SLC26A7: variants seen among roughly 807,000 people sequenced by gnomAD.
SLC26A7 encodes the protein anion exchange transporter.
In SLC26A7, 59 loss-of-function variants were observed where a neutral mutation model predicts 82.5. The ratio of observed to expected loss-of-function variants is 0.72; its 90% CI spans 0.58 to 0.89. SLC26A7 has a LOEUF of 0.89. SLC26A7 is among the 40% of genes least tolerant of loss of function. The probability of loss-of-function intolerance (pLI) is 0.00; values close to 1 mark genes in which losing one functional copy is unlikely to be tolerated. For missense variants in SLC26A7, 820 were observed against 793.0 expected, an observed-to-expected ratio of 1.03 and a Z score of -0.41; for synonymous variants, 271 against 274.3, an observed-to-expected ratio of 0.99 and a Z score of 0.12.
intron 4 of SLC26A7, among the ~76,000 whole-genome samples, chr8:91,304,785 A>G (rs1315637108): frequency 6.6e-6 from 1 of 152,162 alleles, no homozygotes; most frequent in Non-Finnish European, 1.5e-5. Context: ...CTCATTAATA[A>G]TAGTGGCAGC....
intron 2 of SLC26A7, among the ~76,000 whole-genome samples, chr8:91,283,825 G>A (rs558567457): frequency 2.0e-5 from 3 of 152,278 alleles, no homozygotes; most frequent in African/African-American, 4.8e-5. Flanking sequence ...CTGAGGGGGT[G>A]TTAGTTGGAT....
At chr8:91,304,596 G>A (rs761005373) in intron 4 of SLC26A7, among the ~76,000 whole-genome samples, 2 of 152,144 alleles carry the variant, frequency 1.3e-5, no homozygotes, top group Non-Finnish European at 2.9e-5. Flanking sequence ...CAGACTAATA[G>A]AGTGACTTAT....
chr8:91,386,889 A>C (rs1009346819), intron 15 of SLC26A7, among the ~76,000 whole-genome samples: 2 of 152,206 alleles, frequency 1.3e-5, no homozygotes, highest in African/African-American at 4.8e-5. Context: ...TTCTAAAAAA[A>C]GTTTGAAAAA....
At chr8:91,239,395 A>AAAAAAT (rs1554600121) in intron 2 of SLC26A7, among the ~76,000 whole-genome samples, 5 of 94,868 alleles carry the variant, frequency 5.3e-5, no homozygotes, top group African/African-American at 1.8e-4. Flanking sequence ...AAAAAAAAAA[A>AAAAAAT]ATATATATAT....
intron 5 of SLC26A7, among the ~76,000 whole-genome samples, chr8:91,322,718 A>G (rs559887546): frequency 1.4e-4 from 22 of 152,326 alleles, no homozygotes; most frequent in African/African-American, 5.3e-4. Context: ...GCTTTATATG[A>G]GCACTGCTCT....
At chr8:91,320,776 G>T (rs543984214) in intron 5 of SLC26A7, among the ~76,000 whole-genome samples, 1 of 152,204 alleles carries the variant, frequency 6.6e-6, no homozygotes, top group Non-Finnish European at 1.5e-5. Context: ...TGACACATTT[G>T]TAAGACTTTT....
At chr8:91,344,459 C>T (rs1227218821) in intron 9 of SLC26A7, among the ~76,000 whole-genome samples, 1 of 152,112 alleles carries the variant, frequency 6.6e-6, no homozygotes, top group Non-Finnish European at 1.5e-5. Context: ...ACTATTTGGG[C>T]TAACTCAAAC....
intron 15 of SLC26A7, among the ~76,000 whole-genome samples, chr8:91,381,405 C>T (rs970128746): frequency 6.6e-6 from 1 of 152,118 alleles, no homozygotes; most frequent in Non-Finnish European, 1.5e-5. Flanking sequence ...GGATGCATCT[C>T]AGATGTCAGC....
At chr8:91,369,289 A>G (rs1399382258) in intron 14 of SLC26A7, among the ~76,000 whole-genome samples, 2 of 152,220 alleles carry the variant, frequency 1.3e-5, no homozygotes, top group South Asian at 4.1e-4. Context: ...TAGCAATAAT[A>G]CATTATTTGA....
chr8:91,374,411 G>C (rs1403292448), intron 15 of SLC26A7, among the ~76,000 whole-genome samples: 6 of 151,082 alleles, frequency 4.0e-5, no homozygotes, highest in Non-Finnish European at 8.9e-5. Context: ...TATCTTAGAG[G>C]TTTGTTATGT....
At chr8:91,316,436 C>T (rs1812633256) in intron 4 of SLC26A7, among the ~76,000 whole-genome samples, 1 of 143,000 alleles carries the variant, frequency 7.0e-6, no homozygotes, top group Non-Finnish European at 1.5e-5. Flanking sequence ...GAACTCGCTG[C>T]CACACTCAAC....
intron 6 of SLC26A7, among the ~76,000 whole-genome samples, chr8:91,337,848 C>T (rs1314336102): frequency 6.6e-6 from 1 of 152,196 alleles, no homozygotes; most frequent in Non-Finnish European, 1.5e-5. Flanking sequence ...TGCACACACA[C>T]ACTCCTGTAT....
At chr8:91,218,076 T>C (rs1011914173) in intron 1 of SLC26A7, among the ~76,000 whole-genome samples, 10 of 152,046 alleles carry the variant, frequency 6.6e-5, no homozygotes, top group Admixed American at 2.6e-4. Flanking sequence ...TGTGGAAGAG[T>C]GAACAGAACA....
chr8:91,211,739 G>A (rs1809929534), intron 1 of SLC26A7, among the ~76,000 whole-genome samples: 1 of 151,420 alleles, frequency 6.6e-6, no homozygotes, highest in Non-Finnish European at 1.5e-5. Context: ...ACTTTATCAG[G>A]AAGGGAGAAC....
chr8:91,307,543 G>A (rs1418108048), intron 4 of SLC26A7, among the ~76,000 whole-genome samples: 11 of 144,180 alleles, frequency 7.6e-5, no homozygotes, highest in East Asian at 2.0e-4. Flanking sequence ...GTAAACTATC[G>A]CAAGAACAAA....
At chr8:91,375,660 G>GTT (rs111393337) in intron 15 of SLC26A7, among the ~76,000 whole-genome samples, 5 of 136,676 alleles carry the variant, frequency 3.7e-5, no homozygotes, top group Non-Finnish European at 6.4e-5. Flanking sequence ...CCTTTAAGTT[G>GTT]TTTTTTTTTT....
At chr8:91,236,736 TGTGA>T (rs1422832820) in intron 2 of SLC26A7, among the ~76,000 whole-genome samples, 2 of 152,212 alleles carry the variant, frequency 1.3e-5, no homozygotes, top group African/African-American at 4.8e-5. Context: ...ATAGTTTAAA[TGTGA>T]GTGTCTGATT....
At chr8:91,229,971 C>G (rs967261652) in intron 2 of SLC26A7, among the ~76,000 whole-genome samples, 13 of 152,162 alleles carry the variant, frequency 8.5e-5, no homozygotes, top group Admixed American at 8.5e-4. Context: ...CCCCTTCACC[C>G]CCGGCAAACA....
At chr8:91,325,498 T>C (rs1195522299) in intron 5 of SLC26A7, among the ~76,000 whole-genome samples, 2 of 152,120 alleles carry the variant, frequency 1.3e-5, no homozygotes, top group African/African-American at 4.8e-5. Context: ...GAAAAGGCCA[T>C]AATCTGTGTA....
Sources: gnomAD v4.1 joint callset for allele counts (sites outside exome capture counted in the v4.1 genomes callset) on GRCh38, gnomAD v4.1.1 for gene constraint, MANE v1.5 for transcripts, NCBI Gene and HGNC (gene_info 2026-07-23, HGNC 2026-07-21) for gene names.